Variants in LPAR5 observed in about 807,000 individuals in gnomAD.
LPAR5 encodes lysophosphatidic acid receptor 5, also known as G protein-coupled receptor 92.
For missense variants in LPAR5, 544 were observed against 521.8 expected (o/e 1.04, Z -0.41); for synonymous variants, 271 against 261.6 (o/e 1.04, Z -0.35).
intron 1 of LPAR5, among the ~76,000 whole-genome samples, chr12:6,624,297 G>A (rs1948917331): frequency 6.6e-6 from 1 of 152,116 alleles, no homozygotes; most frequent in Non-Finnish European, 1.5e-5. Flanking sequence ...GAGACAGAGT[G>A]AGAGTCCGTC....
At chr12:6,634,624 C>T (rs1406087047) in intron 1 of LPAR5, among the ~76,000 whole-genome samples, 1 of 78,802 alleles carries the variant, frequency 1.3e-5, no homozygotes, top group Non-Finnish European at 2.4e-5. Flanking sequence ...CAGAGCGAGA[C>T]CCCATCTCAA....
chr12:6,631,626 C>CTGGGCTG (rs1235146042), intron 1 of LPAR5: 6 of 152,308 alleles, frequency 3.9e-5, no homozygotes, highest in African/African-American at 1.4e-4. Flanking sequence ...GCCCTCTGAG[C>CTGGGCTG]TGGGCTGGGC....
chr12:6,624,990 G>A (rs1408231452), intron 1 of LPAR5, among the ~76,000 whole-genome samples: 1 of 152,126 alleles, frequency 6.6e-6, no homozygotes, highest in Non-Finnish European at 1.5e-5. Context: ...TCATCTGTCA[G>A]TGAATACTTG....
chr12:6,628,329 C>G (rs1948957620), intron 1 of LPAR5, among the ~76,000 whole-genome samples: 1 of 151,876 alleles, frequency 6.6e-6, no homozygotes, highest in South Asian at 2.1e-4. Flanking sequence ...CCCACTTGAT[C>G]ATTCTTAACC....
Position 6,620,274 on chromosome 12 carries a change from C to G in LPAR5, c.975G>C (p.Thr325=), listed in dbSNP as rs1361382546. ...TTTCGGATTGCGCGAGCGCCGCCCG[C>G]GTCCCGTTGGTGGCCGAGGTCCTGG... The part of the protein sequence containing the change: ...HRARTSATNG[T]RAALAQSERS... The change falls in exon 2 of 2, where the codon ACG becomes ACC. Residue 325 remains threonine, a synonymous_variant. Coordinates refer to ENST00000329858, the MANE Select transcript of LPAR5 (RefSeq NM_020400.6). The surrounding 1 kb of genome is among the most constrained non-coding windows in gnomAD (Gnocchi z 6.8). The G allele has an allele frequency of 1.2e-6, 2 of 1,606,170 alleles. No homozygotes were observed. The highest frequency in any genetic ancestry group is 1.7e-6 in the Non-Finnish European group (2 of 1,176,410).
chr12:6,629,949 A>G (rs1432159266), intron 1 of LPAR5, among the ~76,000 whole-genome samples: 10 of 148,180 alleles, frequency 6.7e-5, no homozygotes, highest in East Asian at 6.3e-4. Context: ...CCTTGAACCC[A>G]GGAGGCGGAA....
chr12:6,631,191 A>G (rs1948978803), intron 1 of LPAR5, among the ~76,000 whole-genome samples: 1 of 152,192 alleles, frequency 6.6e-6, no homozygotes, highest in Admixed American at 6.5e-5. Context: ...TATACCACTC[A>G]TTACACGTGT....
Position 6,619,899 on chromosome 12 carries a change from A to C in LPAR5, c.*231T>G, listed in dbSNP as rs1278375896. ...GGGTGGGCTCTCTGCATCACTTCCC[A>C]CCGCTGGAGAAGGGGTGCTCTGCGT... On this transcript the variant is annotated 3_prime_UTR_variant, in exon 2 of 2. Coordinates refer to ENST00000329858, the MANE Select transcript of LPAR5 (RefSeq NM_020400.6). 3 of 709,358 alleles carry C rather than the reference A, an allele frequency of 4.2e-6. No individual in the cohort carries two copies. In the Admixed American group the frequency reaches 6.0e-5, roughly 14 times the overall value. 43.9% of individuals were successfully genotyped at this position (709,358 alleles called of 1,614,324 possible). A position where few individuals can be genotyped will look rare whatever the true frequency, so the allele number is the denominator to read the frequency against.
chr12:6,622,578 G>A (rs2136240748), intron 1 of LPAR5, among the ~76,000 whole-genome samples: 1 of 141,824 alleles, frequency 7.1e-6, no homozygotes, highest in South Asian at 2.2e-4. Context: ...GCAAAATCCT[G>A]TCTCTACTAA....
chr12:6,625,521 A>G (rs1197612590), intron 1 of LPAR5, among the ~76,000 whole-genome samples: 1 of 151,362 alleles, frequency 6.6e-6, no homozygotes, highest in Non-Finnish European at 1.5e-5. Flanking sequence ...GGAGATCGAG[A>G]CCATCCTGGC....
At chr12:6,629,669 G>A (rs1429330464) in intron 1 of LPAR5, among the ~76,000 whole-genome samples, 11 of 141,666 alleles carry the variant, frequency 7.8e-5, no homozygotes, top group Non-Finnish European at 1.7e-4. Context: ...GTGAGACTCC[G>A]TCAAAAAAAA....
rs1296336106 is a variant in LPAR5, at chr12:6,628,021, C to CTTT, written c.-216-6560_-216-6558dup. Reference sequence around the variant, plus strand: ...ATCACTTGATCATTCTTTTCTTTTTCTTTTTTCTTTTTTTTTTTGAGACAG... The same window carrying CTTT: ...ATCACTTGATCATTCTTTTCTTTTTCTTTTTTTTTCTTTTTTTTTTTGAGACAG... On this transcript the variant is annotated intron_variant, in intron 1 of 1. Coordinates refer to ENST00000329858, the MANE Select transcript of LPAR5 (RefSeq NM_020400.6). Among the ~76,000 whole-genome samples, 23 of 112,764 alleles carry CTTT rather than the reference C, an allele frequency of 2.0e-4. No homozygotes were observed. The Admixed American group carries it at 2.4e-3, about 12-fold the overall frequency. The allele number at this position is 112,764 out of a possible 152,430, so 74.0% of individuals were successfully genotyped here. A position where few individuals can be genotyped will look rare whatever the true frequency, so the allele number is the denominator to read the frequency against.
intron 1 of LPAR5, among the ~76,000 whole-genome samples, chr12:6,625,298 G>A (rs768838606): frequency 3.2e-4 from 48 of 151,448 alleles, no homozygotes; most frequent in Admixed American, 1.5e-3. Flanking sequence ...GGTGGCAGGC[G>A]CCTGTAGTCC....
At position 6,620,827 on chromosome 12, in the gene LPAR5, A is replaced by T. The variant is rs999034070; in HGVS notation, c.422T>A (p.Leu141His). 1.3e-6 allele frequency: 2 copies of T among 1,561,820 alleles called. No homozygotes were observed. Among genetic ancestry groups the T allele is most frequent in the African/African-American group, 1.4e-5 (1 of 73,990 alleles). Residue 141 changes from leucine (L) to histidine (H), a missense_variant, in exon 2 of 2, where the codon CTC becomes CAC. Transcript: ENST00000329858. This position sits in a 1 kb window ranked among gnomAD's most constrained non-coding sequence, Gnocchi z 6.8. Reference sequence around the variant, plus strand: ...GATGAGCGCCCACACGCCCAGGCAGAGCAGCCGCGCCACGCGGGGCCGCCG... The same window carrying T: ...GATGAGCGCCCACACGCCCAGGCAGTGCAGCCGCGCCACGCGGGGCCGCCG... ...HLRRPRVARL[L>H]CLGVWALILV...
rs1332872519 is a variant in LPAR5 at position 6,620,808 on chromosome 12, C to G, written c.441G>C (p.Ala147=). The G allele has an allele frequency of 4.5e-6, 7 of 1,564,776 alleles. No homozygotes were observed. The highest frequency in any genetic ancestry group is 6.1e-6 in the Non-Finnish European group (7 of 1,155,432). ...VARLLCLGVW[A]LILVFAVPAA... ...CGGGCACGGCAAACACCAGGATGAG[C>G]GCCCACACGCCCAGGCAGAGCAGCC... The change falls in exon 2 of 2, where the codon GCG becomes GCC. Residue 147 remains alanine (A), a synonymous_variant. Coordinates refer to ENST00000329858, the MANE Select transcript of LPAR5 (RefSeq NM_020400.6). This position sits in a 1 kb window ranked among gnomAD's most constrained non-coding sequence, Gnocchi z 6.8.
At chr12:6,627,094 A>C (rs1362554888) in intron 1 of LPAR5, among the ~76,000 whole-genome samples, 1 of 152,220 alleles carries the variant, frequency 6.6e-6, no homozygotes, top group East Asian at 1.9e-4. Flanking sequence ...TCATTGTCCA[A>C]CTGAAATGTA....
intron 1 of LPAR5, among the ~76,000 whole-genome samples, chr12:6,626,823 T>G (rs1245817631): frequency 3.9e-5 from 6 of 152,200 alleles, no homozygotes; most frequent in Admixed American, 2.6e-4. Context: ...GCGGATGTGG[T>G]ACCCTCACTT....
At chr12:6,628,369 A>G (rs1339744335) in intron 1 of LPAR5, among the ~76,000 whole-genome samples, 1 of 152,090 alleles carries the variant, frequency 6.6e-6, no homozygotes, top group Non-Finnish European at 1.5e-5. Context: ...GATCCTTCCA[A>G]TTAGAAAGCA....
chr12:6,630,474 A>G (rs1191845017), intron 1 of LPAR5, among the ~76,000 whole-genome samples: 1 of 48,266 alleles, frequency 2.1e-5, no homozygotes, highest in African/African-American at 1.1e-4. Flanking sequence ...TTTTTTTTTG[A>G]GACGGAGTCT....
Sources: allele counts gnomAD v4.1 joint callset (sites outside exome capture counted in the v4.1 genomes callset), GRCh38; gene constraint gnomAD v4.1.1; non-coding constraint Gnocchi (gnomAD v3.1); transcripts MANE v1.5; gene names NCBI Gene and HGNC (gene_info 2026-07-23, HGNC 2026-07-21).